Variants in DRC4 observed in about 807,000 individuals in gnomAD.
DRC4 encodes GAS-11.
the DRC4 span, chr16:90,043,919 T>C: frequency 2.3e-6 from 1 of 440,518 alleles, no homozygotes; most frequent in Non-Finnish European, 4.7e-6. Flanking sequence ...TCGCTCTAAC[T>C]CCCTCGGTAG....
chr16:90,030,199 A>G, the DRC4 span, among the ~76,000 whole-genome samples: 1 of 152,044 alleles, frequency 6.6e-6, no homozygotes, highest in Non-Finnish European at 1.5e-5. Flanking sequence ...GCTTAACATT[A>G]TATCTTCAAA....
chr16:90,031,090 G>T, the DRC4 span: 2 of 1,156,748 alleles, frequency 1.7e-6, no homozygotes, highest in Non-Finnish European at 2.4e-6. Flanking sequence ...ATGATTATTG[G>T]CCAAATTGAA....
At chr16:90,035,942 C>G in the DRC4 span, 2 of 1,408,926 alleles carry the variant, frequency 1.4e-6, no homozygotes, top group Non-Finnish European at 1.9e-6. Context: ...CAGTAGTTAT[C>G]AGCAGGTGGT....
the DRC4 span, chr16:90,036,472 G>A: frequency 1.2e-6 from 2 of 1,614,212 alleles, no homozygotes; most frequent in Non-Finnish European, 1.7e-6. Context: ...TGGAGGAGAG[G>A]AAGAATGGCC....
At chr16:90,042,965 G>A in the DRC4 span, 25 of 546,726 alleles carry the variant, frequency 4.6e-5, no homozygotes, top group African/African-American at 1.5e-4. Flanking sequence ...CTCTGCCTCC[G>A]TCTCGTCATT....
At chr16:90,036,923 G>A in the DRC4 span, 1 of 553,110 alleles carries the variant, frequency 1.8e-6, no homozygotes. Context: ...GCCTGCGACA[G>A]GTGGATAGGT....
chr16:90,021,808 GCAGTGAGTTGTGATCA>G, the DRC4 span, among the ~76,000 whole-genome samples: 3 of 143,656 alleles, frequency 2.1e-5, no homozygotes, highest in African/African-American at 7.7e-5. Context: ...GGTCGAGGCT[GCAGTGAGTTGTGATCA>G]CAGCCTAGGC....
the DRC4 span, among the ~76,000 whole-genome samples, chr16:90,033,883 C>T: frequency 1.3e-5 from 2 of 151,316 alleles, no homozygotes; most frequent in Non-Finnish European, 2.9e-5. Flanking sequence ...TTTGTACAAG[C>T]AGTTGACCGG....
chr16:90,040,336 A>C, the DRC4 span: 1 of 1,601,316 alleles, frequency 6.2e-7, no homozygotes, highest in African/African-American at 1.3e-5. Flanking sequence ...TCGGAAGTTC[A>C]CCGCAGCCAT....
At chr16:90,037,783 G>C in the DRC4 span, 1 of 1,614,194 alleles carries the variant, frequency 6.2e-7, no homozygotes, top group Middle Eastern at 1.6e-4. Context: ...CCGTTTGAAA[G>C]TCAGGGAGAA....
chr16:90,035,212 T>G, the DRC4 span, among the ~76,000 whole-genome samples: 1 of 152,114 alleles, frequency 6.6e-6, no homozygotes, highest in Admixed American at 6.6e-5. Flanking sequence ...AATCTTTAAA[T>G]TTTCTGTAGA....
the DRC4 span, chr16:90,027,759 G>T: frequency 6.3e-7 from 1 of 1,589,676 alleles, no homozygotes; most frequent in Non-Finnish European, 8.6e-7. Flanking sequence ...CCCCGGGTGG[G>T]CGTGGGCGGG....
At chr16:90,037,692 G>A in the DRC4 span, 2 of 1,455,190 alleles carry the variant, frequency 1.4e-6, no homozygotes, top group Non-Finnish European at 1.9e-6. Flanking sequence ...CATCTCCCAG[G>A]AGCCCGTGTT....
the DRC4 span, chr16:90,043,561 C>T: frequency 1.2e-3 from 739 of 597,938 alleles, 3 homozygotes; most frequent in African/African-American, 0.011. Context: ...CCCTGGGTGC[C>T]GCACGTCCAG....
chr16:90,039,271 A>G, the DRC4 span, among the ~76,000 whole-genome samples: 1 of 152,220 alleles, frequency 6.6e-6, no homozygotes, highest in African/African-American at 2.4e-5. Context: ...TTCCATTTGA[A>G]TGTGGTTCCT....
chr16:90,042,201 G>C, the DRC4 span: 1 of 523,552 alleles, frequency 1.9e-6, no homozygotes, highest in Admixed American at 2.2e-5. Flanking sequence ...CTCCCACACT[G>C]CTGGGATCAC....
chr16:90,036,654 G>A, the DRC4 span: 116 of 1,415,656 alleles, frequency 8.2e-5, no homozygotes, highest in African/African-American at 1.5e-3. Context: ...GCAGAGTCCT[G>A]GGGATCCAGA....
At chr16:90,042,527 G>C in the DRC4 span, 4 of 1,613,596 alleles carry the variant, frequency 2.5e-6, no homozygotes, top group Non-Finnish European at 3.4e-6. Context: ...GCTGGCCCAG[G>C]TCTGTAAGGT....
chr16:90,041,150 G>A, the DRC4 span, among the ~76,000 whole-genome samples: 1 of 152,242 alleles, frequency 6.6e-6, no homozygotes, highest in African/African-American at 2.4e-5. Context: ...CCGAAATGAG[G>A]GTGAAGAGAG....
Sources: gnomAD v4.1 joint callset for allele counts (sites outside exome capture counted in the v4.1 genomes callset) on GRCh38, gnomAD v4.1.1 for gene constraint, MANE v1.5 for transcripts, NCBI Gene and HGNC (gene_info 2026-07-23, HGNC 2026-07-21) for gene names.